SH3RF2: variants seen among roughly 807,000 people sequenced by gnomAD.
SH3RF2 encodes SH3 domain containing ring finger 2.
In SH3RF2, 43 loss-of-function variants were observed where a neutral mutation model predicts 59.0. That is an observed-to-expected ratio of 0.73 (90% CI 0.57 to 0.94). SH3RF2 has a LOEUF of 0.94. Ranked by LOEUF, SH3RF2 falls within the 40% of genes least tolerant of loss-of-function variation. The probability of loss-of-function intolerance (pLI) is 0.00; values close to 1 mark genes in which losing one functional copy is unlikely to be tolerated. For synonymous variants in SH3RF2, 391 were observed against 391.5 expected (o/e 1.00, Z 0.01); for missense variants, 930 against 940.1 (o/e 0.99, Z 0.14).
intron 2 of SH3RF2, among the ~76,000 whole-genome samples, chr5:145,966,784 G>A (rs1205117948): frequency 6.6e-6 from 1 of 152,186 alleles, no homozygotes; most frequent in Non-Finnish European, 1.5e-5. Context: ...CATTTTGGGA[G>A]GCCAAAGCAG....
intron 2 of SH3RF2, among the ~76,000 whole-genome samples, chr5:145,988,411 T>C (rs996531933): frequency 6.6e-6 from 1 of 151,918 alleles, no homozygotes; most frequent in African/African-American, 2.4e-5. Flanking sequence ...GAGCCAAAAC[T>C]TTTGTCAGAA....
At chr5:146,022,481 A>C (rs1006393757) in intron 5 of SH3RF2, among the ~76,000 whole-genome samples, 5 of 152,218 alleles carry the variant, frequency 3.3e-5, no homozygotes, top group Admixed American at 6.5e-5. Flanking sequence ...ATTTTAAAGC[A>C]AAGTCCAGAC....
intron 5 of SH3RF2, among the ~76,000 whole-genome samples, chr5:146,029,099 A>G (rs994257329): frequency 6.6e-6 from 1 of 152,218 alleles, no homozygotes; most frequent in African/African-American, 2.4e-5. Flanking sequence ...ACTCAGCTCC[A>G]AGAAAAAAAG....
At chr5:145,997,773 G>C in intron 2 of SH3RF2, 2 of 1,547,124 alleles carry the variant, frequency 1.3e-6, no homozygotes, top group South Asian at 1.1e-5. Context: ...CAAAAAAAGA[G>C]TCACTCCCTA....
At chr5:145,940,013 G>A (rs1462346012) in intron 2 of SH3RF2, among the ~76,000 whole-genome samples, 1 of 152,188 alleles carries the variant, frequency 6.6e-6, no homozygotes, top group Non-Finnish European at 1.5e-5. Context: ...CCAAGTTTTT[G>A]AACTATAGAG....
At chr5:146,036,911 G>T (rs1334081264) in intron 5 of SH3RF2, among the ~76,000 whole-genome samples, 2 of 152,218 alleles carry the variant, frequency 1.3e-5, no homozygotes, top group Non-Finnish European at 2.9e-5. Context: ...AAGGAAGAAA[G>T]ACTCCTAAAT....
At chr5:146,005,632 TCC>T (rs1294965567) in intron 4 of SH3RF2, among the ~76,000 whole-genome samples, 1 of 152,144 alleles carries the variant, frequency 6.6e-6, no homozygotes, top group Admixed American at 6.6e-5. Flanking sequence ...TAATTCTCAT[TCC>T]TAATGCCTTT....
intron 4 of SH3RF2, 66 bp from the exon 5 acceptor site, chr5:146,013,681 G>T (rs969433025): frequency 1.3e-6 from 2 of 1,578,626 alleles, no homozygotes; most frequent in Non-Finnish European, 1.7e-6. Flanking sequence ...ATGTACATGG[G>T]TAGGAACTGG....
chr5:146,078,832 C>T (rs745353875), exon 10 of SH3RF2: 6 of 152,228 alleles, frequency 3.9e-5, no homozygotes, highest in Non-Finnish European at 5.9e-5. Flanking sequence ...CAAGGCAGGA[C>T]ATCCAATGCC....
At chr5:145,972,302 G>T (rs779341145) in intron 2 of SH3RF2, among the ~76,000 whole-genome samples, 10 of 152,144 alleles carry the variant, frequency 6.6e-5, no homozygotes, top group Non-Finnish European at 1.3e-4. Flanking sequence ...AGAGGATGGG[G>T]AATATTCCAG....
At chr5:145,968,742 C>A (rs1269737099) in intron 2 of SH3RF2, among the ~76,000 whole-genome samples, 1 of 152,162 alleles carries the variant, frequency 6.6e-6, no homozygotes, top group Admixed American at 6.5e-5. Context: ...GTGTATTTTT[C>A]AGTTACAGCA....
intron 5 of SH3RF2, among the ~76,000 whole-genome samples, chr5:146,034,459 C>T (rs1761856559): frequency 6.6e-6 from 1 of 152,224 alleles, no homozygotes; most frequent in Non-Finnish European, 1.5e-5. Flanking sequence ...TTCCGCAGAA[C>T]CACACAGAGC....
At chr5:146,002,226 G>A (rs926923427) in intron 3 of SH3RF2, among the ~76,000 whole-genome samples, 3 of 152,112 alleles carry the variant, frequency 2.0e-5, no homozygotes, top group Non-Finnish European at 2.9e-5. Flanking sequence ...CGCGGCAGGC[G>A]GATCACTTGA....
At chr5:146,028,219 T>A (rs1761612466) in intron 5 of SH3RF2, among the ~76,000 whole-genome samples, 1 of 128,460 alleles carries the variant, frequency 7.8e-6, no homozygotes. Context: ...CAGAGATAAT[T>A]CAACAAGAAA....
intron 2 of SH3RF2, among the ~76,000 whole-genome samples, chr5:145,969,469 A>G (rs1580789674): frequency 6.6e-6 from 1 of 152,186 alleles, no homozygotes; most frequent in East Asian, 1.9e-4. Context: ...CCCCTGCATC[A>G]CTGAGTGGTG....
chr5:146,010,035 C>A (rs1023016764), intron 4 of SH3RF2, among the ~76,000 whole-genome samples: 19 of 152,128 alleles, frequency 1.2e-4, no homozygotes, highest in Admixed American at 9.8e-4. Context: ...CCACTCCCCC[C>A]ACCCCACGAC....
chr5:146,004,267 A>T lies in SH3RF2; in HGVS notation c.744+114A>T, dbSNP rs890633574. The T allele has an allele frequency of 2.3e-5, 16 of 704,956 alleles. No individual in the cohort carries two copies. The East Asian group carries it at 5.4e-4, about 24-fold the overall frequency. The allele number at this position is 704,956 out of a possible 1,614,324, so 43.7% of individuals were successfully genotyped here. A position where few individuals can be genotyped will look rare whatever the true frequency, so the allele number is the denominator to read the frequency against. ...TATGAGGCTTATTTCAGAACTAACT[A>T]AAATCTCTAAAGAAAAGATGCCAGA... On this transcript the variant is annotated intron_variant, in intron 4 of 9. Transcript: ENST00000359120.
chr5:145,936,800 C>G (rs1757605728), intron 1 of SH3RF2, 106 bp downstream of exon 1: 5 of 152,324 alleles, frequency 3.3e-5, no homozygotes, highest in Admixed American at 3.3e-4. Context: ...CGTGTCTGTC[C>G]TGCTTACTAG....
intron 8 of SH3RF2, among the ~76,000 whole-genome samples, chr5:146,057,690 A>C: frequency 6.6e-6 from 1 of 152,204 alleles, no homozygotes; most frequent in Admixed American, 6.5e-5. Flanking sequence ...CTGTAACCCT[A>C]GCACTTTGGG....
Sources: gnomAD v4.1 joint callset for allele counts (sites outside exome capture counted in the v4.1 genomes callset) on GRCh38, gnomAD v4.1.1 for gene constraint, MANE v1.5 for transcripts, NCBI Gene and HGNC (gene_info 2026-07-23, HGNC 2026-07-21) for gene names.